B3GALT1: variants seen among roughly 807,000 people sequenced by gnomAD.
The protein encoded by B3GALT1 is beta-1,3-galactosyltransferase 1.
B3GALT1 carries 10 observed loss-of-function variants against 23.2 expected under a neutral mutation model. The observed-to-expected ratio is 0.43, with a 90% CI of 0.27 to 0.73. The LOEUF is 0.73. Ranked by LOEUF, B3GALT1 falls within the 30% of genes least tolerant of loss-of-function variation. The probability of loss-of-function intolerance (pLI) is 0.21; values close to 1 mark genes in which losing one functional copy is unlikely to be tolerated. For synonymous variants in B3GALT1, 156 were observed against 141.5 expected (o/e 1.10, Z -0.73); for missense variants, 299 against 405.4 (o/e 0.74, Z 2.25).
chr2:167,393,325 T>C (rs1698048709), intron 1 of B3GALT1, among the ~76,000 whole-genome samples: 1 of 151,206 alleles, frequency 6.6e-6, no homozygotes, highest in Non-Finnish European at 1.5e-5. Flanking sequence ...GTGGAAACTA[T>C]CTTAAGCACC....
intron 2 of B3GALT1, among the ~76,000 whole-genome samples, chr2:167,557,128 C>T (rs1242021281): frequency 6.6e-6 from 1 of 151,884 alleles, no homozygotes. Flanking sequence ...TGGTTATCTA[C>T]ATAAGTACAT....
intron 4 of B3GALT1, among the ~76,000 whole-genome samples, chr2:167,820,365 T>G (rs1482885677): frequency 6.6e-6 from 1 of 152,314 alleles, no homozygotes; most frequent in South Asian, 2.1e-4. Flanking sequence ...CCTGCTTCCC[T>G]TCCCTTCTGG....
intron 2 of B3GALT1, among the ~76,000 whole-genome samples, chr2:167,548,855 T>G (rs73026034): frequency 0.063 from 9,552 of 151,856 alleles, 893 homozygotes; most frequent in African/African-American, 0.2. Flanking sequence ...AGAACTTGAG[T>G]TGTCTTTTTT....
chr2:167,560,147 T>C (rs1006731296), intron 2 of B3GALT1, among the ~76,000 whole-genome samples: 2 of 152,168 alleles, frequency 1.3e-5, no homozygotes, highest in Admixed American at 1.3e-4. Context: ...TGGGGGCCAA[T>C]ATTCAACATT....
At chr2:167,332,815 G>C (rs1026802118) in intron 1 of B3GALT1, among the ~76,000 whole-genome samples, 3 of 152,184 alleles carry the variant, frequency 2.0e-5, no homozygotes, top group Admixed American at 2.0e-4. Flanking sequence ...CAATCTTACT[G>C]TTATCAGTTA....
chr2:167,416,653 A>G (rs1018268842), intron 1 of B3GALT1, among the ~76,000 whole-genome samples: 1 of 152,184 alleles, frequency 6.6e-6, no homozygotes, highest in African/African-American at 2.4e-5. Context: ...GTAGCAAGCA[A>G]CATCTGCCTG....
chr2:167,790,671 G>T (rs60032596), intron 3 of B3GALT1, among the ~76,000 whole-genome samples: 15,234 of 152,144 alleles, frequency 0.1, 1,651 homozygotes, highest in East Asian at 0.3. Flanking sequence ...TGTAAATCCT[G>T]GTTAGCTCCT....
At chr2:167,763,032 A>T (rs1490805472) in intron 3 of B3GALT1, among the ~76,000 whole-genome samples, 1 of 152,186 alleles carries the variant, frequency 6.6e-6, no homozygotes, top group Admixed American at 6.6e-5. Flanking sequence ...ATTTGAAATA[A>T]AATGCATTTT....
At chr2:167,701,919 G>A (rs960147458) in intron 3 of B3GALT1, among the ~76,000 whole-genome samples, 1 of 152,158 alleles carries the variant, frequency 6.6e-6, no homozygotes, top group African/African-American at 2.4e-5. Context: ...GTTAACACCT[G>A]TGATAATTTC....
At chr2:167,637,801 C>T (rs1685585122) in intron 2 of B3GALT1, among the ~76,000 whole-genome samples, 1 of 151,476 alleles carries the variant, frequency 6.6e-6, no homozygotes, top group Non-Finnish European at 1.5e-5. Flanking sequence ...AATGACAATC[C>T]ATGTTGCTGC....
intron 3 of B3GALT1, among the ~76,000 whole-genome samples, chr2:167,683,366 C>T (rs901340102): frequency 1.3e-5 from 2 of 152,136 alleles, no homozygotes; most frequent in Non-Finnish European, 2.9e-5. Flanking sequence ...CAGTACCAGC[C>T]AGTGGAAGCT....
intron 4 of B3GALT1, among the ~76,000 whole-genome samples, chr2:167,843,786 G>C (rs1689699884): frequency 6.6e-6 from 1 of 152,208 alleles, no homozygotes; most frequent in Non-Finnish European, 1.5e-5. Context: ...CTGGGAATAA[G>C]TTGTAGTTGC....
chr2:167,846,493 G>A (rs369395768), intron 4 of B3GALT1, among the ~76,000 whole-genome samples: 3 of 152,106 alleles, frequency 2.0e-5, no homozygotes, highest in Non-Finnish European at 4.4e-5. Flanking sequence ...TGTATCTAGC[G>A]AAACTAAGCA....
intron 1 of B3GALT1, among the ~76,000 whole-genome samples, chr2:167,392,205 G>A (rs781044609): frequency 5.9e-5 from 9 of 151,618 alleles, no homozygotes; most frequent in Non-Finnish European, 4.4e-5. Flanking sequence ...CTTTTAAATC[G>A]TTTCTATAAA....
At chr2:167,710,917 A>C (rs2105518200) in intron 3 of B3GALT1, among the ~76,000 whole-genome samples, 1 of 152,286 alleles carries the variant, frequency 6.6e-6, no homozygotes. Flanking sequence ...TAATGGCAGC[A>C]ATCTTTCAAG....
At chr2:167,793,349 A>G (rs1688479492) in intron 3 of B3GALT1, among the ~76,000 whole-genome samples, 1 of 152,140 alleles carries the variant, frequency 6.6e-6, no homozygotes, top group Non-Finnish European at 1.5e-5. Context: ...GCCTCACCCA[A>G]TTGCTGACAA....
At chr2:167,636,280 G>A (rs1390233259) in intron 2 of B3GALT1, among the ~76,000 whole-genome samples, 6 of 151,758 alleles carry the variant, frequency 4.0e-5, no homozygotes, top group African/African-American at 1.5e-4. Flanking sequence ...GTGAAATAAA[G>A]GGGATTAGTT....
intron 3 of B3GALT1, among the ~76,000 whole-genome samples, chr2:167,739,125 G>A (rs955012359): frequency 6.6e-6 from 1 of 152,284 alleles, no homozygotes; most frequent in East Asian, 1.9e-4. Context: ...TATAAGAATT[G>A]GAATTGTGTA....
At chr2:167,761,499 G>T (rs375373693) in intron 3 of B3GALT1, among the ~76,000 whole-genome samples, 1 of 152,064 alleles carries the variant, frequency 6.6e-6, no homozygotes, top group Non-Finnish European at 1.5e-5. Context: ...AGGTTGTTTG[G>T]CAATACTATA....
Sources: allele counts gnomAD v4.1 joint callset (sites outside exome capture counted in the v4.1 genomes callset), GRCh38; gene constraint gnomAD v4.1.1; transcripts MANE v1.5; gene names NCBI Gene and HGNC (gene_info 2026-07-23, HGNC 2026-07-21).